Variants in FTO observed in about 807,000 individuals in gnomAD.
FTO encodes alpha-ketoglutarate-dependent dioxygenase FTO.
A neutral mutation model predicts 63.9 loss-of-function variants in FTO; 47 were observed. The ratio of observed to expected loss-of-function variants is 0.74; its 90% CI spans 0.58 to 0.94. FTO has a LOEUF of 0.94. Among genes scored for constraint, FTO ranks in the 40% least tolerant of loss-of-function variants. The pLI is 0.00. For synonymous variants in FTO, 207 were observed against 224.4 expected, an observed-to-expected ratio of 0.92 and a Z score of 0.69; for missense variants, 562 against 618.1, an observed-to-expected ratio of 0.91 and a Z score of 0.96.
chr16:53,810,170 A>T lies in FTO; in HGVS notation c.76A>T (p.Thr26Ser), dbSNP rs1294612571. 6.2e-7 allele frequency: 1 copy of T among 1,611,912 alleles called. No homozygotes were observed. The highest frequency in any genetic ancestry group is 8.5e-7 in the Non-Finnish European group (1 of 1,178,532). The change falls in exon 2 of 9, where the codon ACT (threonine) becomes TCT (serine). Residue 26 changes from threonine (T) to serine (S), a missense_variant. By Grantham distance (58) the Thr-to-Ser change is moderately conservative (BLOSUM62 1). Coordinates refer to ENST00000471389, the MANE Select transcript of FTO (RefSeq NM_001080432.3). ...GAGGCTTCTTGAAGAGCTTGAAGAC[A>T]CTTGGCTCCCTTATCTGACCCCCAA... ...KLRLLEELEDTWLPYLTPKDD... is the reference protein window; with the variant it reads ...KLRLLEELEDSWLPYLTPKDD...
intron 6 of FTO, among the ~76,000 whole-genome samples, chr16:53,883,640 A>AAAAAAAC (rs1555488990): frequency 6.7e-5 from 10 of 150,186 alleles, no homozygotes; most frequent in African/African-American, 2.5e-4. Context: ...AAAAAACAAA[A>AAAAAAAC]AAAAAAAAAC....
chr16:53,753,120 G>A (rs917306266), intron 1 of FTO, among the ~76,000 whole-genome samples: 2 of 151,868 alleles, frequency 1.3e-5, no homozygotes, highest in Admixed American at 1.3e-4. Flanking sequence ...GTGCATGATG[G>A]CGTGCACATG....
rs565472819 is a variant in FTO, at chr16:53,967,943, A to G, written c.1364+33834A>G. Among the ~76,000 whole-genome samples the G allele has an allele frequency of 5.9e-5, 9 of 152,334 alleles. No homozygotes were observed. The South Asian group carries it at 6.2e-4, about 11-fold the overall frequency. On this transcript the variant is annotated intron_variant, in intron 8 of 8. Coordinates refer to ENST00000471389, the MANE Select transcript of FTO (RefSeq NM_001080432.3). Reference sequence around the variant, plus strand: ...TAAATATACACTTTTTGTGCTGCCTAGCAAATCTTGAGAAAACATCACAAA... The same window carrying G: ...TAAATATACACTTTTTGTGCTGCCTGGCAAATCTTGAGAAAACATCACAAA...
Position 54,113,234 on chromosome 16 carries a change from C to G in FTO, c.*1319C>G, listed in dbSNP as rs552131105. On this transcript the variant is annotated 3_prime_UTR_variant, in exon 9 of 9. Coordinates refer to ENST00000471389, the MANE Select transcript of FTO (RefSeq NM_001080432.3). ...TGTGATGCCATTAACACATCTCTCC[C>G]TTTCTGACCTGGCTCCTGCCCATTG... The G allele has an allele frequency of 2.0e-5, 3 of 152,376 alleles. No homozygotes were observed. The highest frequency in any genetic ancestry group is 7.2e-5 in the African/African-American group (3 of 41,560). The allele number at this position is 152,376 out of a possible 1,614,324, so 9.4% of individuals were successfully genotyped here. A position where few individuals can be genotyped will look rare whatever the true frequency, so the allele number is the denominator to read the frequency against.
rs756748336 is a variant in FTO at position 53,880,425 on chromosome 16, G to A, written c.1119+438G>A. On this transcript the variant is annotated intron_variant, in intron 6 of 8. Coordinates refer to ENST00000471389, the MANE Select transcript of FTO (RefSeq NM_001080432.3). Reference sequence around the variant, plus strand: ...TCACAGATGGAGGACAGGTTATTACGTATATCAATAGCAGTCACCAGAGTC... The same window carrying A: ...TCACAGATGGAGGACAGGTTATTACATATATCAATAGCAGTCACCAGAGTC... Among the ~76,000 whole-genome samples the A allele has an allele frequency of 5.9e-5, 9 of 152,168 alleles. No homozygotes were observed. The East Asian group carries it at 7.7e-4, about 13-fold the overall frequency.
At chr16:53,863,430 C>T (rs561750073) in intron 4 of FTO, among the ~76,000 whole-genome samples, 1 of 152,274 alleles carries the variant, frequency 6.6e-6, no homozygotes, top group Admixed American at 6.5e-5. Context: ...GAAGATGTGT[C>T]CTTACACAGT....
At chr16:53,823,056 C>T (rs2078909072) in intron 2 of FTO, among the ~76,000 whole-genome samples, 1 of 152,170 alleles carries the variant, frequency 6.6e-6, no homozygotes, top group African/African-American at 2.4e-5. Flanking sequence ...CATTCAGAGA[C>T]ATCTCTACAT....
chr16:53,905,674 C>T (rs1598956466), intron 7 of FTO, among the ~76,000 whole-genome samples: 1 of 152,076 alleles, frequency 6.6e-6, no homozygotes, highest in African/African-American at 2.4e-5. Flanking sequence ...GAGTATTTAT[C>T]ACTGTCCGAA....
chr16:53,901,869 C>T (rs1162601358), intron 7 of FTO, among the ~76,000 whole-genome samples: 1 of 152,126 alleles, frequency 6.6e-6, no homozygotes, highest in Non-Finnish European at 1.5e-5. Flanking sequence ...ACGTGGGCTT[C>T]TGAAAGATTG....
chr16:53,922,167 A>G (rs2082022542), intron 7 of FTO, among the ~76,000 whole-genome samples: 1 of 152,164 alleles, frequency 6.6e-6, no homozygotes, highest in African/African-American at 2.4e-5. Context: ...TTCCCATATC[A>G]TTGAGTCAGT....
At chr16:54,102,686 G>A (rs1291631719) in intron 8 of FTO, among the ~76,000 whole-genome samples, 1 of 152,188 alleles carries the variant, frequency 6.6e-6, no homozygotes, top group African/African-American at 2.4e-5. Context: ...TATAGAAGCT[G>A]TCTTTTGAGT....
At chr16:53,992,888 G>A (rs2083846929) in intron 8 of FTO, 1 of 152,152 alleles carries the variant, frequency 6.6e-6, no homozygotes, top group Admixed American at 6.5e-5. Flanking sequence ...ACTCCATAAG[G>A]AAGGACACAA....
At chr16:54,038,534 C>CA (rs1226234048) in intron 8 of FTO, among the ~76,000 whole-genome samples, 2 of 152,114 alleles carry the variant, frequency 1.3e-5, no homozygotes, top group East Asian at 1.9e-4. Flanking sequence ...GTGTCCCCTC[C>CA]AAATTGCATG....
intron 4 of FTO, among the ~76,000 whole-genome samples, chr16:53,857,257 C>A (rs1202177522): frequency 6.6e-6 from 1 of 152,086 alleles, no homozygotes; most frequent in African/African-American, 2.4e-5. Flanking sequence ...CTCAAGTGGG[C>A]CCTAGTGTCT....
intron 8 of FTO, among the ~76,000 whole-genome samples, chr16:54,076,269 G>T (rs1157495192): frequency 6.6e-6 from 1 of 152,188 alleles, no homozygotes; most frequent in Non-Finnish European, 1.5e-5. Context: ...TAACTAAAAA[G>T]AGGAAATTAA....
intron 4 of FTO, among the ~76,000 whole-genome samples, chr16:53,862,696 C>T (rs2080210568): frequency 6.6e-6 from 1 of 151,802 alleles, no homozygotes; most frequent in Admixed American, 6.6e-5. Flanking sequence ...CCACCACACC[C>T]AGCTAATTTT....
chr16:53,733,276 C>T (rs989952339), intron 1 of FTO, among the ~76,000 whole-genome samples: 5 of 152,112 alleles, frequency 3.3e-5, no homozygotes, highest in African/African-American at 9.7e-5. Flanking sequence ...GTGGTGGGTG[C>T]CTGTAATCTC....
intron 1 of FTO, among the ~76,000 whole-genome samples, chr16:53,735,569 A>G (rs1049314689): frequency 6.6e-6 from 1 of 152,208 alleles, no homozygotes; most frequent in African/African-American, 2.4e-5. Flanking sequence ...TATTCTTGGA[A>G]ATCCAAGCAA....
At position 53,910,985 on chromosome 16, in the gene FTO, AG is replaced by A. The variant is rs1332337218; in HGVS notation, c.1239+22036del. On this transcript the variant is annotated intron_variant, in intron 7 of 8. Transcript: ENST00000471389. ...ACCATTTACTGAGCTACACCCAAGA[AG>A]GAAGTTTAGGGGCAAATGAGTTTGA... 3.3e-5 allele frequency among the ~76,000 whole-genome samples: 5 copies of A among 152,244 alleles called. No homozygotes were observed. In the East Asian group the frequency reaches 9.6e-4, roughly 29 times the overall value.
Sources: gnomAD v4.1 joint callset for allele counts (sites outside exome capture counted in the v4.1 genomes callset) on GRCh38, gnomAD v4.1.1 for gene constraint, MANE v1.5 for transcripts, NCBI Gene and HGNC (gene_info 2026-07-23, HGNC 2026-07-21) for gene names.